Variants in ATG2B observed in about 807,000 individuals in gnomAD.
The protein encoded by ATG2B is autophagy related 2B.
ATG2B carries 121 observed loss-of-function variants against 241.3 expected under a neutral mutation model. The observed-to-expected ratio is 0.50, with a 90% CI of 0.43 to 0.58. The LOEUF is 0.58. Ranked by LOEUF, ATG2B falls within the 20% of genes least tolerant of loss-of-function variation. The pLI is 0.00. For missense variants in ATG2B, 2,306 were observed against 2,491.6 expected, an observed-to-expected ratio of 0.93 and a Z score of 1.59; for synonymous variants, 858 against 876.6, an observed-to-expected ratio of 0.98 and a Z score of 0.37.
chr14:96,361,815 G>A (rs1888638630), intron 1 of ATG2B, among the ~76,000 whole-genome samples: 1 of 152,092 alleles, frequency 6.6e-6, no homozygotes, highest in South Asian at 2.1e-4. Flanking sequence ...CCTAGTTTAT[G>A]TCAGGTACAT....
At chr14:96,351,418 A>G (rs1888316596) in intron 1 of ATG2B, among the ~76,000 whole-genome samples, 1 of 152,190 alleles carries the variant, frequency 6.6e-6, no homozygotes, top group Non-Finnish European at 1.5e-5. Context: ...CCTGGGAGAC[A>G]TGGTGAAACT....
rs1887357314 is a variant in ATG2B at position 96,317,858 on chromosome 14, A to G, written c.2880-3T>C. 6.3e-7 allele frequency: 1 copy of G among 1,585,098 alleles called. No homozygotes were observed. Among genetic ancestry groups the G allele is most frequent in the Non-Finnish European group, 8.6e-7 (1 of 1,165,108 alleles). ...ACAGTAGCAAGTCATTAAAGATCCT[A>G]TAAAGACAAAAGTTGAAAAATAAGT... On this transcript the variant is annotated splice_polypyrimidine_tract_variant and splice_region_variant and intron_variant, in intron 18 of 41. Transcript: ENST00000359933.
chr14:96,305,298 C>T (rs2139850135), intron 31 of ATG2B, among the ~76,000 whole-genome samples: 1 of 152,212 alleles, frequency 6.6e-6, no homozygotes, highest in Non-Finnish European at 1.5e-5. Context: ...CTCACAGGAC[C>T]TACTCATTTT....
chr14:96,344,461 C>G (rs981932460), intron 4 of ATG2B, among the ~76,000 whole-genome samples, 193 bp downstream of exon 4: 1 of 152,072 alleles, frequency 6.6e-6, no homozygotes, highest in Admixed American at 6.6e-5. Context: ...TATAATTATA[C>G]CCCAACTGGC....
In ATG2B at chr14:96,343,277, C is replaced by T; in HGVS notation, c.586G>A (p.Val196Met). ...TALEIRIERT[V>M]YCDETADESS... is the part of the protein sequence containing the mutation. The stretch of plus-strand genomic sequence containing the variant: ...TCGTCAGCAGTTTCATCACAGTACA[C>T]AGTTCTGAAATTTTTTTAAAAAGCA... Residue 196 changes from valine to methionine, a missense_variant, in exon 5 of 42, where the codon GTG becomes ATG. By Grantham distance (21) the Val-to-Met change is conservative. This residue lies in a region of ATG2B where 1,927 missense variants were observed against 2,011.2 expected (regional missense o/e 0.96). Coordinates refer to ENST00000359933, the MANE Select transcript of ATG2B (RefSeq NM_018036.7). 1 of 1,577,108 alleles carries T rather than the reference C, an allele frequency of 6.3e-7. No individual in the cohort carries two copies. Among genetic ancestry groups the T allele is most frequent in the Non-Finnish European group, 8.6e-7 (1 of 1,163,876 alleles).
intron 36 of ATG2B, among the ~76,000 whole-genome samples, chr14:96,294,384 G>A (rs1886572426): frequency 6.6e-6 from 1 of 152,220 alleles, no homozygotes; most frequent in African/African-American, 2.4e-5. Context: ...GAACAAACAG[G>A]TCTGTAAATG....
rs1389589211 is a variant in ATG2B at position 96,307,288 on chromosome 14, T to C, written c.4304-372A>G. Among the ~76,000 whole-genome samples the C allele has an allele frequency of 2.6e-5, 4 of 152,112 alleles. No homozygotes were observed. In the East Asian group the frequency reaches 7.8e-4, roughly 30 times the overall value. The stretch of plus-strand genomic sequence containing the variant: ...TCAGCTGGGCATGGTGGCACACACC[T>C]GAGTCCCAGCTACCTGGGAGGCCGA... On this transcript the variant is annotated intron_variant, in intron 29 of 41. Transcript: ENST00000359933.
intron 1 of ATG2B, among the ~76,000 whole-genome samples, chr14:96,351,021 C>T (rs1017422727): frequency 2.0e-5 from 3 of 152,194 alleles, no homozygotes; most frequent in African/African-American, 7.2e-5. Context: ...CAGACAGGGC[C>T]AGCAGTACAT....
rs1407231620 is a variant in ATG2B, at chr14:96,285,186, A to C, written c.*569T>G. 6.5e-6 allele frequency: 1 copy of C among 154,150 alleles called. No individual in the cohort carries two copies. The highest frequency in any genetic ancestry group is 1.4e-5 in the Non-Finnish European group (1 of 69,262). 9.5% of individuals were successfully genotyped at this position (154,150 alleles called of 1,614,324 possible). The stretch of plus-strand genomic sequence containing the variant: ...GTGCAACACAACAGAACATGTCTGC[A>C]ACATTCACTTTCTCAAACCCCCACA... On this transcript the variant is annotated 3_prime_UTR_variant, in exon 42 of 42. Coordinates refer to ENST00000359933, the MANE Select transcript of ATG2B (RefSeq NM_018036.7). This position sits in a 1 kb window ranked among gnomAD's most constrained non-coding sequence, Gnocchi z 4.2.
At position 96,311,302 on chromosome 14, in the gene ATG2B, G is replaced by C; in HGVS notation, c.3991-15C>G. On this transcript the variant is annotated splice_polypyrimidine_tract_variant and intron_variant, in intron 27 of 41. Coordinates refer to ENST00000359933, the MANE Select transcript of ATG2B (RefSeq NM_018036.7). Reference sequence around the variant, plus strand: ...CGGGGCTCAGTCTGGACAAGACACAGAAAAAGGGATGAAAATGTTTTCCAA... The same window carrying C: ...CGGGGCTCAGTCTGGACAAGACACACAAAAAGGGATGAAAATGTTTTCCAA... 6.3e-7 allele frequency: 1 copy of C among 1,585,128 alleles called. No homozygotes were observed.
chr14:96,313,304 T>C (rs377681993), intron 24 of ATG2B, 25 bp downstream of exon 24: 4 of 1,498,522 alleles, frequency 2.7e-6, no homozygotes, highest in South Asian at 1.2e-5. Context: ...AATAAAACTT[T>C]ATTTTGTTCC....
intron 41 of ATG2B, among the ~76,000 whole-genome samples, chr14:96,288,748 T>C (rs954896225): frequency 6.6e-6 from 1 of 151,026 alleles, no homozygotes; most frequent in African/African-American, 2.4e-5. Context: ...AACTCCCTTA[T>C]GTCATATTAA....
chr14:96,288,232 C>G (rs1479311177), intron 41 of ATG2B, among the ~76,000 whole-genome samples: 1 of 152,180 alleles, frequency 6.6e-6, no homozygotes. Flanking sequence ...TCTGGCAGAA[C>G]CCGTTTCCTC....
At chr14:96,345,577 GA>G (rs1421962953) in intron 2 of ATG2B, among the ~76,000 whole-genome samples, 192 bp from the exon 3 acceptor site, 2 of 151,880 alleles carry the variant, frequency 1.3e-5, no homozygotes, top group Non-Finnish European at 2.9e-5. Context: ...AACCAAGAAG[GA>G]AAAAAAGATC....
rs376752256 is a variant in ATG2B, at chr14:96,362,830, G to T, written c.147C>A (p.Val49=). 1.4e-5 allele frequency: 22 copies of T among 1,609,564 alleles called. No individual in the cohort carries two copies. Among genetic ancestry groups the T allele is most frequent in the South Asian group, 2.2e-5 (2 of 90,924 alleles). Residue 49 remains valine (V), a synonymous_variant, in exon 1 of 42, where the codon GTC becomes GTA. Transcript: ENST00000359933. ...LYQGTGSLAQ[V]PLDKWCLNEI... ...CAGCTCTTACCCATTTGTCCAAGGGGACCTGGGCGAGGGACCCGGTGCCTT... is the reference window on the plus strand; with the variant it reads ...CAGCTCTTACCCATTTGTCCAAGGGTACCTGGGCGAGGGACCCGGTGCCTT...
At chr14:96,302,530 C>T (rs1205212723) in intron 33 of ATG2B, among the ~76,000 whole-genome samples, 1 of 152,078 alleles carries the variant, frequency 6.6e-6, no homozygotes, top group Non-Finnish European at 1.5e-5. Context: ...CTGCAGTGAA[C>T]TACAATCTGC....
At chr14:96,311,942 T>C in intron 26 of ATG2B, 147 bp downstream of exon 26, 2 of 666,688 alleles carry the variant, frequency 3.0e-6, no homozygotes, top group Non-Finnish European at 5.2e-6. Flanking sequence ...ACATGATCAC[T>C]ATATACTTAA....
At chr14:96,346,538 A>G (rs1224692184) in intron 2 of ATG2B, among the ~76,000 whole-genome samples, 2 of 152,150 alleles carry the variant, frequency 1.3e-5, no homozygotes, top group African/African-American at 4.8e-5. Context: ...TATAATTTAA[A>G]CTTTCATGTT....
At chr14:96,309,660 AT>A in intron 28 of ATG2B, 66 bp from the exon 29 acceptor site, 1 of 1,440,428 alleles carries the variant, frequency 6.9e-7, no homozygotes, top group Non-Finnish European at 9.4e-7. Context: ...ACTTACATTT[AT>A]TTTATCCCAA....
Sources: gnomAD v4.1 joint callset for allele counts (sites outside exome capture counted in the v4.1 genomes callset) on GRCh38, gnomAD v4.1.1 for gene constraint, gnomAD v4.1.1 regional missense constraint, Gnocchi (gnomAD v3.1) non-coding constraint, MANE v1.5 for transcripts, NCBI Gene and HGNC (gene_info 2026-07-23, HGNC 2026-07-21) for gene names.